PDE12: variants seen among roughly 807,000 people sequenced by gnomAD.
The protein encoded by PDE12 is 2',5'-phosphodiesterase 12.
A neutral mutation model predicts 45.4 loss-of-function variants in PDE12; 26 were observed. The observed-to-expected ratio is 0.57, with a 90% CI of 0.42 to 0.79. The LOEUF (loss-of-function observed/expected upper bound fraction) is 0.79. Among genes scored for constraint, PDE12 ranks in the 30% least tolerant of loss-of-function variants. PDE12 has a pLI of 0.00. For missense variants in PDE12, 668 were observed against 790.0 expected, an observed-to-expected ratio of 0.85 and a Z score of 1.85; for synonymous variants, 283 against 323.9, an observed-to-expected ratio of 0.87 and a Z score of 1.36.
chr3:57,570,376 C>CCT (rs2069827871), downstream of PDE12, among the ~76,000 whole-genome samples: 1 of 128,920 alleles, frequency 7.8e-6, no homozygotes. Context: ...ACACCAGACC[C>CCT]TTTTTTTTTT....
the PDE12 span, among the ~76,000 whole-genome samples, chr3:57,607,185 C>T: frequency 6.6e-6 from 1 of 152,154 alleles, no homozygotes; most frequent in Non-Finnish European, 1.5e-5. Flanking sequence ...AGCTGAGGGT[C>T]CTGACTGTTA....
chr3:57,634,672 A>G, the PDE12 span: 1 of 1,502,468 alleles, frequency 6.7e-7, no homozygotes, highest in Non-Finnish European at 8.9e-7. Context: ...TACCATATAA[A>G]TATATATTTA....
chr3:57,568,912 G>A (rs889591947), downstream of PDE12, among the ~76,000 whole-genome samples: 9 of 150,406 alleles, frequency 6.0e-5, no homozygotes, highest in Admixed American at 4.6e-4. Context: ...GCAGATAATC[G>A]TACTATCCTC....
the PDE12 span, among the ~76,000 whole-genome samples, chr3:57,655,922 A>T: frequency 6.6e-6 from 1 of 152,244 alleles, no homozygotes; most frequent in Non-Finnish European, 1.5e-5. Context: ...ATTTATGCCA[A>T]TTCTGCAAAT....
rs1005129521 is a variant in PDE12 at position 57,561,869 on chromosome 3, C to T, written c.*1865C>T. On this transcript the variant is annotated 3_prime_UTR_variant, in exon 3 of 3. Coordinates refer to ENST00000311180, the MANE Select transcript of PDE12 (RefSeq NM_177966.7). ...GCATTTGACATTGAACCTTGAAGTA[C>T]TTTAAGTACTCCAAGGGGAAAATTA... is the stretch of plus-strand genomic sequence containing the variant. 2 of 985,158 alleles carry T rather than the reference C, an allele frequency of 2.0e-6. No homozygotes were observed. Among genetic ancestry groups the T allele is most frequent in the Non-Finnish European group, 2.4e-6 (2 of 829,844 alleles). 61.0% of individuals were successfully genotyped at this position (985,158 alleles called of 1,614,324 possible).
chr3:57,560,295 T>G lies in PDE12; in HGVS notation c.*291T>G, dbSNP rs2069714141. On this transcript the variant is annotated 3_prime_UTR_variant, in exon 3 of 3. Transcript: ENST00000311180. ...AGACTCTCAGAAAAGGAAGATTGAA[T>G]TAGCGTGTTTTTTGTTTGTTTGTTT... 8.6e-7 allele frequency: 1 copy of G among 1,159,206 alleles called. No individual in the cohort carries two copies. Among genetic ancestry groups the G allele is most frequent in the South Asian group, 3.0e-5 (1 of 32,814 alleles). 71.8% of individuals were successfully genotyped at this position (1,159,206 alleles called of 1,614,324 possible). A position where few individuals can be genotyped will look rare whatever the true frequency, so the allele number is the denominator to read the frequency against.
At chr3:57,642,452 TGA>T in the PDE12 span, among the ~76,000 whole-genome samples, 4 of 151,028 alleles carry the variant, frequency 2.6e-5, no homozygotes, top group African/African-American at 9.8e-5. Flanking sequence ...GCCAAGTGGA[TGA>T]GAGAGGGAAG....
At chr3:57,597,241 G>C in the PDE12 span, 1 of 1,172,326 alleles carries the variant, frequency 8.5e-7, no homozygotes, top group Middle Eastern at 2.0e-4. Flanking sequence ...AGAGGGAAGA[G>C]AAAGAGCGGA....
At chr3:57,598,423 G>A in the PDE12 span, among the ~76,000 whole-genome samples, 1 of 152,118 alleles carries the variant, frequency 6.6e-6, no homozygotes, top group African/African-American at 2.4e-5. Flanking sequence ...GCTTCTCTTG[G>A]TAGCACTACC....
chr3:57,649,309 A>G, the PDE12 span, among the ~76,000 whole-genome samples: 2 of 152,320 alleles, frequency 1.3e-5, no homozygotes, highest in East Asian at 3.9e-4. Context: ...ATGCACTAGT[A>G]CCTCACTCCT....
chr3:57,648,503 C>A, the PDE12 span, among the ~76,000 whole-genome samples: 15 of 152,070 alleles, frequency 9.9e-5, no homozygotes, highest in African/African-American at 3.6e-4. Context: ...CGTCACAGAA[C>A]TAGAAAAAAC....
Position 57,560,806 on chromosome 3 carries a change from G to T in PDE12, c.*802G>T, listed in dbSNP as rs1482101481. 1 of 985,470 alleles carries T rather than the reference G, an allele frequency of 1.0e-6. No homozygotes were observed. Among genetic ancestry groups the T allele is most frequent in the Non-Finnish European group, 1.2e-6 (1 of 829,726 alleles). The allele number at this position is 985,470 out of a possible 1,614,324, so 61.0% of individuals were successfully genotyped here. A position where few individuals can be genotyped will look rare whatever the true frequency, so the allele number is the denominator to read the frequency against. The stretch of plus-strand genomic sequence containing the variant: ...GAGACTTAAGTTATAGGTGACCTTA[G>T]AGACCTAAGGTGAGAGACTTGACAC... On this transcript the variant is annotated 3_prime_UTR_variant, in exon 3 of 3. Coordinates refer to ENST00000311180, the MANE Select transcript of PDE12 (RefSeq NM_177966.7).
At chr3:57,603,533 T>TC in the PDE12 span, among the ~76,000 whole-genome samples, 1 of 151,718 alleles carries the variant, frequency 6.6e-6, no homozygotes, top group Non-Finnish European at 1.5e-5. Flanking sequence ...AGACAGGGTT[T>TC]CACATGTTGG....
the PDE12 span, among the ~76,000 whole-genome samples, chr3:57,648,131 C>T: frequency 6.6e-6 from 1 of 152,132 alleles, no homozygotes; most frequent in African/African-American, 2.4e-5. Flanking sequence ...ATCCAAAAAC[C>T]TCCTAGAACT....
At chr3:57,612,538 C>T in the PDE12 span, among the ~76,000 whole-genome samples, 6 of 151,912 alleles carry the variant, frequency 3.9e-5, no homozygotes, top group African/African-American at 1.2e-4. Context: ...TTTTGGAGGC[C>T]GAGGCGGGCG....
the PDE12 span, among the ~76,000 whole-genome samples, chr3:57,641,248 A>G: frequency 7.0e-6 from 1 of 143,698 alleles, no homozygotes; most frequent in African/African-American, 2.5e-5. Context: ...AATATATATT[A>G]TATATTTATA....
the PDE12 span, among the ~76,000 whole-genome samples, chr3:57,592,770 A>G: frequency 6.6e-6 from 1 of 152,174 alleles, no homozygotes; most frequent in African/African-American, 2.4e-5. Flanking sequence ...TAATCAGAAG[A>G]GCCTGTTTTT....
chr3:57,569,033 A>C (rs182255163), downstream of PDE12, among the ~76,000 whole-genome samples: 1 of 152,296 alleles, frequency 6.6e-6, no homozygotes, highest in East Asian at 1.9e-4. Context: ...CTAGGGATAT[A>C]ATCAACTGTT....
the PDE12 span, chr3:57,645,578 A>G: frequency 9.8e-7 from 1 of 1,022,954 alleles, no homozygotes; most frequent in African/African-American, 1.6e-5. Context: ...CATTCTGCCT[A>G]TAAGCTTTTA....
Sources: gnomAD v4.1 joint callset for allele counts (sites outside exome capture counted in the v4.1 genomes callset) on GRCh38, gnomAD v4.1.1 for gene constraint, MANE v1.5 for transcripts, NCBI Gene and HGNC (gene_info 2026-07-23, HGNC 2026-07-21) for gene names.